The following PIK3R1 variants were observed in gnomAD, a reference collection of about 807,000 sequenced individuals.
PIK3R1 encodes the protein phosphoinositide-3-kinase regulatory subunit 1.
PIK3R1 carries 29 observed loss-of-function variants against 98.0 expected under a neutral mutation model. The observed-to-expected ratio is 0.30, with a 90% CI of 0.22 to 0.40. PIK3R1 has a LOEUF of 0.40. Ranked by LOEUF, PIK3R1 falls within the 10% of genes least tolerant of loss-of-function variation. The probability of loss-of-function intolerance (pLI) is 1.00; values close to 1 mark genes in which losing one functional copy is unlikely to be tolerated. For synonymous variants in PIK3R1, 282 were observed against 311.8 expected (o/e 0.90, Z 1.01); for missense variants, 596 against 872.7 (o/e 0.68, Z 3.99).
chr5:68,300,451 C>CCAGTG lies in PIK3R1; in HGVS notation c.*2851_*2855dup, dbSNP rs1254432890. On this transcript the variant is annotated 3_prime_UTR_variant, in exon 16 of 16. Coordinates refer to ENST00000521381, the MANE Select transcript of PIK3R1 (RefSeq NM_181523.3). Reference sequence around the variant, plus strand: ...TTATCCATGCGTCAGTTTTTCCCACCCAGTGTAGCATCCTAAAGATAAAGC... The same window carrying CCAGTG: ...TTATCCATGCGTCAGTTTTTCCCACCCAGTGCAGTGTAGCATCCTAAAGATAAAGC... The CCAGTG allele has an allele frequency of 4.3e-6, 1 of 232,948 alleles. No individual in the cohort carries two copies. 14.4% of individuals were successfully genotyped at this position (232,948 alleles called of 1,614,324 possible).
At chr5:68,227,789 C>G (rs1209855200) in intron 2 of PIK3R1, among the ~76,000 whole-genome samples, 1 of 152,126 alleles carries the variant, frequency 6.6e-6, no homozygotes, top group Non-Finnish European at 1.5e-5. Context: ...TCATTTGTAG[C>G]ATTAATGCCT....
chr5:68,254,049 C>A (rs1745423291), intron 2 of PIK3R1, among the ~76,000 whole-genome samples: 1 of 146,532 alleles, frequency 6.8e-6, no homozygotes, highest in Admixed American at 6.8e-5. Flanking sequence ...AATGTTTGCC[C>A]TTTGGTCATA....
rs557466936 is a variant in PIK3R1, at chr5:68,295,130, C to T, written c.1569-18C>T. 151 of 1,606,882 alleles carry T rather than the reference C, an allele frequency of 9.4e-5. 2 individuals are homozygous for T. In the South Asian group the frequency reaches 1.5e-3, roughly 16 times the overall value. ...TGATGTACCCAGATAATAACAAATACGTTTCTTTTGCCTGCAGGATTATGC... is the reference window on the plus strand; with the variant it reads ...TGATGTACCCAGATAATAACAAATATGTTTCTTTTGCCTGCAGGATTATGC... On this transcript the variant is annotated intron_variant, in intron 12 of 15. Transcript: ENST00000521381.
At chr5:68,292,521 A>C in intron 8 of PIK3R1, 160 bp downstream of exon 8, 2 of 1,518,626 alleles carry the variant, frequency 1.3e-6, no homozygotes, top group South Asian at 2.4e-5. Context: ...GCACTGGAGA[A>C]CTGTGGGTGC....
intron 3 of PIK3R1, 85 bp downstream of exon 3, chr5:68,273,567 A>C: frequency 3.4e-6 from 4 of 1,162,372 alleles, no homozygotes; most frequent in Non-Finnish European, 5.2e-6. Context: ...GCATTCATTA[A>C]GTAAATTTCC....
chr5:68,292,039 T>G (rs1457823577), intron 7 of PIK3R1: 1 of 384,154 alleles, frequency 2.6e-6, no homozygotes, highest in Middle Eastern at 7.2e-4. Flanking sequence ...TTTCTAAGGC[T>G]CTCTCTCTTT....
rs1175935903 is a variant in PIK3R1 at position 68,298,693 on chromosome 5, G to C, written c.*1092G>C. Reference sequence around the variant, plus strand: ...TAACAGATTTTTTTTGGACTGTTTTGTTGGGCAGTGCCTGATAAGCTTCAA... The same window carrying C: ...TAACAGATTTTTTTTGGACTGTTTTCTTGGGCAGTGCCTGATAAGCTTCAA... On this transcript the variant is annotated 3_prime_UTR_variant, in exon 16 of 16. Transcript: ENST00000521381. 1 of 233,070 alleles carries C rather than the reference G, an allele frequency of 4.3e-6. No homozygotes were observed. Among genetic ancestry groups the C allele is most frequent in the Non-Finnish European group, 8.5e-6 (1 of 117,844 alleles). The allele number at this position is 233,070 out of a possible 1,614,324, so 14.4% of individuals were successfully genotyped here. A position where few individuals can be genotyped will look rare whatever the true frequency, so the allele number is the denominator to read the frequency against.
chr5:68,221,208 C>T (rs1005648609), intron 1 of PIK3R1, among the ~76,000 whole-genome samples: 1 of 152,224 alleles, frequency 6.6e-6, no homozygotes, highest in Non-Finnish European at 1.5e-5. Flanking sequence ...ATAAATTACC[C>T]AGTCTCAGGA....
chr5:68,228,998 T>C (rs1230513917), intron 2 of PIK3R1, among the ~76,000 whole-genome samples: 8 of 152,182 alleles, frequency 5.3e-5, no homozygotes, highest in African/African-American at 1.9e-4. Context: ...CTTTAATACA[T>C]GGAAAGATGG....
At chr5:68,258,522 C>T (rs889530558) in intron 2 of PIK3R1, among the ~76,000 whole-genome samples, 1 of 152,152 alleles carries the variant, frequency 6.6e-6, no homozygotes, top group African/African-American at 2.4e-5. Context: ...TGACCACTAA[C>T]TTTGTAAATG....
rs1392671758 is a variant in PIK3R1, at chr5:68,297,898, T to C, written c.*297T>C. On this transcript the variant is annotated 3_prime_UTR_variant, in exon 16 of 16. Coordinates refer to ENST00000521381, the MANE Select transcript of PIK3R1 (RefSeq NM_181523.3). ...ACAAAGAGAAAAAGAAATGCAAAAA[T>C]CTCTGCGTGCAGGGACAAAGAGGCC... is the stretch of plus-strand genomic sequence containing the variant. 3.8e-6 allele frequency: 1 copy of C among 265,998 alleles called. No homozygotes were observed. Among genetic ancestry groups the C allele is most frequent in the Admixed American group, 5.2e-5 (1 of 19,090 alleles). The allele number at this position is 265,998 out of a possible 1,614,324, so 16.5% of individuals were successfully genotyped here. A position where few individuals can be genotyped will look rare whatever the true frequency, so the allele number is the denominator to read the frequency against.
chr5:68,221,088 T>G (rs2111937326), intron 1 of PIK3R1, among the ~76,000 whole-genome samples: 1 of 152,350 alleles, frequency 6.6e-6, no homozygotes, highest in South Asian at 2.1e-4. Context: ...TTTGGCCCTG[T>G]CTTGCTGTCT....
In PIK3R1 at chr5:68,273,441, C is replaced by A. The variant is rs1225327486; in HGVS notation, c.386C>A (p.Pro129Gln). Residue 129 changes from proline to glutamine, a missense_variant, in exon 3 of 16, where the codon CCG (proline) becomes CAG (glutamine). Coordinates refer to ENST00000521381, the MANE Select transcript of PIK3R1 (RefSeq NM_181523.3). ...CAGTTTGCCCCTCCTGACATTGCCC[C>A]GCCTCTTCTTATCAAGCTCGTGGAA... The part of the protein sequence containing the change: ...AEQFAPPDIA[P>Q]PLLIKLVEAI... 6.2e-7 allele frequency: 1 copy of A among 1,614,042 alleles called. No homozygotes were observed. Among genetic ancestry groups the A allele is most frequent in the Non-Finnish European group, 8.5e-7 (1 of 1,179,982 alleles).
intron 9 of PIK3R1, 25 bp downstream of exon 9, chr5:68,293,224 T>A (rs1269659983): frequency 6.2e-7 from 1 of 1,603,756 alleles, no homozygotes; most frequent in South Asian, 1.1e-5. Flanking sequence ...ATAGCTGAAA[T>A]TAGGGTTTTG....
chr5:68,293,904 G>T (rs950265569), intron 11 of PIK3R1, 70 bp downstream of exon 11: 23 of 1,230,500 alleles, frequency 1.9e-5, no homozygotes, highest in Admixed American at 5.1e-5. Flanking sequence ...ATGGAAAAAA[G>T]AATTTAAAAG....
chr5:68,221,031 C>G (rs1226952245), intron 1 of PIK3R1, among the ~76,000 whole-genome samples: 1 of 152,142 alleles, frequency 6.6e-6, no homozygotes, highest in Non-Finnish European at 1.5e-5. Context: ...GTCATTATGG[C>G]AAGAGTAGAT....
intron 7 of PIK3R1, 47 bp from the exon 8 acceptor site, chr5:68,292,212 T>C (rs780334815): frequency 1.7e-6 from 2 of 1,151,060 alleles, no homozygotes; most frequent in East Asian, 4.7e-5. Context: ...GAAATTTAGT[T>C]CTAATGTAGT....
rs11335573 is a variant in PIK3R1, at chr5:68,241,388, GTT to G, written c.334+14392_334+14393del. 1.8e-3 allele frequency among the ~76,000 whole-genome samples: 252 copies of G among 143,044 alleles called. 3 individuals carry two copies. In the South Asian group the frequency reaches 0.036, roughly 20 times the overall value. 93.8% of individuals were successfully genotyped at this position (143,044 alleles called of 152,430 possible). A position where few individuals can be genotyped will look rare whatever the true frequency, so the allele number is the denominator to read the frequency against. The stretch of plus-strand genomic sequence containing the variant: ...AAAGGTGGTGGTTACAATTTTTTTT[GTT>G]TTTTTTTTTTTTACAGTACTGTTTT... On this transcript the variant is annotated intron_variant, in intron 2 of 15. Coordinates refer to ENST00000521381, the MANE Select transcript of PIK3R1 (RefSeq NM_181523.3).
At position 68,262,786 on chromosome 5, in the gene PIK3R1, TAC is replaced by T. The variant is rs1373074993; in HGVS notation, c.335-10602_335-10601del. Among the ~76,000 whole-genome samples the T allele has an allele frequency of 1.4e-4, 4 of 29,298 alleles. 1 individual carries two copies. The highest frequency in any genetic ancestry group is 8.5e-4 in the African/African-American group (2 of 2,340). The allele number at this position is 29,298 out of a possible 152,430, so 19.2% of individuals were successfully genotyped here. A position where few individuals can be genotyped will look rare whatever the true frequency, so the allele number is the denominator to read the frequency against. ...ATATATACATGTAGATGCATGTAGA[TAC>T]ATGTATACGTAGATACATGTATACA... is the stretch of plus-strand genomic sequence containing the variant. On this transcript the variant is annotated intron_variant, in intron 2 of 15. Transcript: ENST00000521381.
Sources: allele counts gnomAD v4.1 joint callset (sites outside exome capture counted in the v4.1 genomes callset), GRCh38; gene constraint gnomAD v4.1.1; transcripts MANE v1.5; gene names NCBI Gene and HGNC (gene_info 2026-07-23, HGNC 2026-07-21).